Variants in AGMO observed in about 807,000 individuals in gnomAD.
AGMO encodes alkylglycerol monooxygenase.
Under a neutral mutation model 60.2 loss-of-function variants are expected in AGMO, and 75 were observed. That is an observed-to-expected ratio of 1.25 (90% confidence interval 1.03 to 1.51). The LOEUF is 1.51. Among genes scored for constraint, AGMO ranks in the 40% most tolerant of loss-of-function variants. AGMO has a pLI of 0.00. For synonymous variants in AGMO, 261 were observed against 177.1 expected (o/e 1.47, Z -3.76); for missense variants, 763 against 525.5 (o/e 1.45, Z -4.42).
rs938764460 is a variant in AGMO, at chr7:15,322,725, T to A, written c.1263+42789A>T. Among the ~76,000 whole-genome samples the A allele has an allele frequency of 5.0e-3, 365 of 72,792 alleles. 78 individuals are homozygous for A. Among genetic ancestry groups the A allele is most frequent in the African/African-American group, 0.025 (305 of 12,120 alleles). The allele number at this position is 72,792 out of a possible 152,430, so 47.8% of individuals were successfully genotyped here. On this transcript the variant is annotated intron_variant, in intron 12 of 12. Coordinates refer to ENST00000342526, the MANE Select transcript of AGMO (RefSeq NM_001004320.2). ...GTATAAATATATATAAATATATAAA[T>A]ATATATATAAATATATAAATATATA...
At chr7:15,462,365 T>C (rs539035169) in intron 3 of AGMO, among the ~76,000 whole-genome samples, 129 of 152,294 alleles carry the variant, frequency 8.5e-4, no homozygotes, top group African/African-American at 2.8e-3. Context: ...TATTGTTTGA[T>C]TGCATATAAA....
intron 3 of AGMO, among the ~76,000 whole-genome samples, chr7:15,524,235 A>T (rs1332594186): frequency 2.0e-5 from 3 of 152,054 alleles, no homozygotes; most frequent in Non-Finnish European, 2.9e-5. Flanking sequence ...TTTTATATTC[A>T]TATACACATA....
intron 12 of AGMO, among the ~76,000 whole-genome samples, chr7:15,328,264 G>A (rs541442752): frequency 1.3e-5 from 2 of 151,846 alleles, no homozygotes; most frequent in Admixed American, 1.3e-4. Flanking sequence ...CACCCGGCTA[G>A]TTTTGTATTT....
chr7:15,392,799 A>AG (rs1353956214), intron 6 of AGMO, among the ~76,000 whole-genome samples: 2 of 33,862 alleles, frequency 5.9e-5, no homozygotes, highest in Non-Finnish European at 1.3e-4. Context: ...ACTCTGTCTC[A>AG]AAACAAACAA....
At chr7:15,139,456 C>T in the AGMO span, among the ~76,000 whole-genome samples, 1 of 152,096 alleles carries the variant, frequency 6.6e-6, no homozygotes, top group Non-Finnish European at 1.5e-5. Flanking sequence ...ATTATTTTGT[C>T]TCCCAGGTAC....
At chr7:15,325,351 A>T (rs1185380788) in intron 12 of AGMO, among the ~76,000 whole-genome samples, 1 of 152,144 alleles carries the variant, frequency 6.6e-6, no homozygotes, top group Non-Finnish European at 1.5e-5. Flanking sequence ...TACATTTAAT[A>T]ATTTTATTTG....
chr7:15,259,440 G>A (rs1333715482), intron 12 of AGMO, among the ~76,000 whole-genome samples: 1 of 152,074 alleles, frequency 6.6e-6, no homozygotes, highest in African/African-American at 2.4e-5. Flanking sequence ...AATAATTTGT[G>A]TTCCCAAGGA....
At position 15,560,158 on chromosome 7, in the gene AGMO, A is replaced by C. The variant is rs1050667823; in HGVS notation, c.240T>G (p.Val80=). The change falls in exon 2 of 13, where the codon GTT becomes GTG. Residue 80 remains valine (V), a synonymous_variant. Transcript: ENST00000342526. Reference sequence around the variant, plus strand: ...TAACTCACCTTGGAAGTCGAGACAGAACACCAGCTGAGATTGACGTTAAAG... The same window carrying C: ...TAACTCACCTTGGAAGTCGAGACAGCACACCAGCTGAGATTGACGTTAAAG... The part of the protein sequence containing the change: ...DDALTSISAG[V]LSRLPSLFFR... 1.2e-6 allele frequency: 2 copies of C among 1,611,260 alleles called. No individual in the cohort carries two copies. The highest frequency in any genetic ancestry group is 1.7e-6 in the Non-Finnish European group (2 of 1,178,074).
At chr7:15,133,347 T>A in the AGMO span, among the ~76,000 whole-genome samples, 1 of 152,150 alleles carries the variant, frequency 6.6e-6, no homozygotes, top group Non-Finnish European at 1.5e-5. Context: ...GGACAATTGT[T>A]TTCAACAACT....
At chr7:15,369,203 T>C (rs777393381) in intron 10 of AGMO, among the ~76,000 whole-genome samples, 39 of 152,108 alleles carry the variant, frequency 2.6e-4, no homozygotes, top group African/African-American at 4.1e-4. Flanking sequence ...CCAACAATTG[T>C]TGAAATACTC....
intron 12 of AGMO, among the ~76,000 whole-genome samples, chr7:15,206,227 C>A (rs1030818659): frequency 6.6e-6 from 1 of 151,984 alleles, no homozygotes; most frequent in African/African-American, 2.4e-5. Flanking sequence ...CTGGAAACAT[C>A]AGAAATACAT....
At chr7:15,192,353 GAGAGA>G in the AGMO span, among the ~76,000 whole-genome samples, 1 of 151,968 alleles carries the variant, frequency 6.6e-6, no homozygotes, top group Non-Finnish European at 1.5e-5. Flanking sequence ...GGCAGAGAAG[GAGAGA>G]AGAGAAGGAG....
At chr7:15,488,407 C>G (rs1239112930) in intron 3 of AGMO, among the ~76,000 whole-genome samples, 1 of 152,134 alleles carries the variant, frequency 6.6e-6, no homozygotes, top group African/African-American at 2.4e-5. Flanking sequence ...CACTAAAGCA[C>G]ATTTGGCCTC....
chr7:15,176,600 C>T, the AGMO span, among the ~76,000 whole-genome samples: 4 of 151,764 alleles, frequency 2.6e-5, no homozygotes, highest in African/African-American at 7.3e-5. Context: ...ACTGGATATA[C>T]TTATGCATTG....
intron 12 of AGMO, among the ~76,000 whole-genome samples, chr7:15,354,540 A>ATATG (rs1491133750): frequency 7.8e-5 from 6 of 76,588 alleles, no homozygotes; most frequent in African/African-American, 2.9e-4. Context: ...ATATATATAT[A>ATATG]GCTCCCCTCA....
At chr7:15,154,434 C>T in the AGMO span, among the ~76,000 whole-genome samples, 12 of 152,082 alleles carry the variant, frequency 7.9e-5, no homozygotes, top group African/African-American at 2.7e-4. Context: ...GCAACACTCT[C>T]TTTTGGTTTT....
At chr7:15,414,509 G>A (rs1780702991) in intron 5 of AGMO, among the ~76,000 whole-genome samples, 2 of 151,842 alleles carry the variant, frequency 1.3e-5, no homozygotes, top group South Asian at 4.2e-4. Flanking sequence ...AAGAGAGGGA[G>A]AAAGGTGGGG....
intron 12 of AGMO, among the ~76,000 whole-genome samples, chr7:15,267,509 A>C (rs1783468181): frequency 6.6e-6 from 1 of 151,988 alleles, no homozygotes. Flanking sequence ...CCCTTCATTC[A>C]ATATTTTACT....
chr7:15,537,458 AAGTT>A (rs1784510958), intron 3 of AGMO, among the ~76,000 whole-genome samples: 1 of 152,186 alleles, frequency 6.6e-6, no homozygotes, highest in African/African-American at 2.4e-5. Context: ...AATCATAAGT[AAGTT>A]AAAGTTTATA....
Sources: allele counts gnomAD v4.1 joint callset (sites outside exome capture counted in the v4.1 genomes callset), GRCh38; gene constraint gnomAD v4.1.1; transcripts MANE v1.5; gene names NCBI Gene and HGNC (gene_info 2026-07-23, HGNC 2026-07-21).